The following NHEJ1 variants were observed in gnomAD, a reference collection of about 807,000 sequenced individuals.
NHEJ1 encodes non-homologous end-joining factor 1.
In NHEJ1, 22 loss-of-function variants were observed where a neutral mutation model predicts 39.4. That is an observed-to-expected ratio of 0.56 (90% CI 0.40 to 0.80). The LOEUF (loss-of-function observed/expected upper bound fraction) is 0.80. NHEJ1 is among the 30% of genes least tolerant of loss of function. The pLI, the probability that NHEJ1 is intolerant of heterozygous loss-of-function variation, is 0.00. For synonymous variants in NHEJ1, 154 were observed against 135.6 expected (o/e 1.14, Z -0.94); for missense variants, 329 against 357.1 (o/e 0.92, Z 0.63).
chr2:219,133,052 T>C (rs1949593609), intron 5 of NHEJ1, among the ~76,000 whole-genome samples: 2 of 152,184 alleles, frequency 1.3e-5, no homozygotes, highest in African/African-American at 2.4e-5. Context: ...CCACACTGAA[T>C]GAAAAAAATT....
rs1949644237 is a variant in NHEJ1 at position 219,137,578 on chromosome 2, A to C, written c.588+9102T>G. On this transcript the variant is annotated intron_variant, in intron 5 of 7. Coordinates refer to ENST00000356853, the MANE Select transcript of NHEJ1 (RefSeq NM_024782.3). ...AATAAATGTGTTACAGGCAAAAAAA[A>C]AAAAAAAAAAAAAACAAAAAAAACT... 5.7e-5 allele frequency among the ~76,000 whole-genome samples: 8 copies of C among 140,878 alleles called. No homozygotes were observed. In the South Asian group the frequency reaches 1.9e-3, roughly 33 times the overall value. 92.4% of individuals were successfully genotyped at this position (140,878 alleles called of 152,430 possible).
intron 5 of NHEJ1, among the ~76,000 whole-genome samples, chr2:219,126,990 G>C (rs1046779709): frequency 1.3e-5 from 2 of 152,068 alleles, no homozygotes; most frequent in Non-Finnish European, 2.9e-5. Flanking sequence ...GGGGAGGAGG[G>C]GGTTAGTGTG....
At chr2:219,158,140 T>C (rs768911067) in intron 2 of NHEJ1, 46 bp downstream of exon 2, 4 of 1,607,064 alleles carry the variant, frequency 2.5e-6, no homozygotes, top group East Asian at 2.2e-5. Flanking sequence ...AGCAAGCTGG[T>C]TGATGTTCAC....
chr2:219,113,096 T>A (rs1187366101), intron 5 of NHEJ1, among the ~76,000 whole-genome samples: 1 of 152,218 alleles, frequency 6.6e-6, no homozygotes, highest in East Asian at 1.9e-4. Flanking sequence ...TAAGTCAAAG[T>A]ACTTTACCTC....
intron 5 of NHEJ1, among the ~76,000 whole-genome samples, chr2:219,107,222 A>G (rs1196574796): frequency 6.6e-6 from 1 of 152,228 alleles, no homozygotes; most frequent in African/African-American, 2.4e-5. Context: ...TCAGGGGAAG[A>G]TAACTGAACT....
chr2:219,157,400 TA>T, intron 3 of NHEJ1, 71 bp downstream of exon 3: 1 of 1,357,908 alleles, frequency 7.4e-7, no homozygotes, highest in Middle Eastern at 2.5e-4. Context: ...GCAAAAAAAA[TA>T]AAAGCACCTA....
chr2:219,151,939 G>A (rs1949800325), intron 3 of NHEJ1, among the ~76,000 whole-genome samples: 3 of 152,146 alleles, frequency 2.0e-5, no homozygotes, highest in Non-Finnish European at 4.4e-5. Flanking sequence ...CTGCACTCCA[G>A]CCTGGGTGAC....
In NHEJ1 at chr2:219,140,116, T is replaced by A. The variant is rs553840807; in HGVS notation, c.588+6564A>T. On this transcript the variant is annotated intron_variant, in intron 5 of 7. Transcript: ENST00000356853. The stretch of plus-strand genomic sequence containing the variant: ...TTCCAGGCAGAGGGAACAGCCAATG[T>A]AAAGGCCTAAAGGCAGTGTTAGAGT... 4.6e-5 allele frequency among the ~76,000 whole-genome samples: 7 copies of A among 152,298 alleles called. No homozygotes were observed. The South Asian group carries it at 1.4e-3, about 32-fold the overall frequency.
chr2:219,076,030 TG>T lies in NHEJ1; in HGVS notation c.*350del. The T allele has an allele frequency of 2.2e-6, 1 of 462,742 alleles. No individual in the cohort carries two copies. The highest frequency in any genetic ancestry group is 3.8e-6 in the Non-Finnish European group (1 of 260,342). The allele number at this position is 462,742 out of a possible 1,614,324, so 28.7% of individuals were successfully genotyped here. ...GAGAAGTGGGTCTCTGAGGAGTATC[TG>T]GGGCTGGCTGGCTAGAGACGCTAGG... On this transcript the variant is annotated 3_prime_UTR_variant, in exon 8 of 8. Transcript: ENST00000356853.
At chr2:219,130,046 T>C (rs1178045793) in intron 5 of NHEJ1, among the ~76,000 whole-genome samples, 42 of 42,160 alleles carry the variant, frequency 1.0e-3, no homozygotes, top group Non-Finnish European at 3.8e-3. Flanking sequence ...TGTCCCTTCT[T>C]TTTTTTTTTT....
rs193147903 is a variant in NHEJ1, at chr2:219,157,443, C to T, written c.390+29G>A. ...CCTCTCAAAGCAACTGGCATCCCTCCCCCAACCCCACATTCGAATTACACT... is the reference window on the plus strand; with the variant it reads ...CCTCTCAAAGCAACTGGCATCCCTCTCCCAACCCCACATTCGAATTACACT... On this transcript the variant is annotated intron_variant, in intron 3 of 7. Coordinates refer to ENST00000356853, the MANE Select transcript of NHEJ1 (RefSeq NM_024782.3). 3 of 1,593,516 alleles carry T rather than the reference C, an allele frequency of 1.9e-6. No individual in the cohort carries two copies. In the East Asian group the frequency reaches 6.7e-5, roughly 36 times the overall value.
chr2:219,081,370 C>T (rs944487115), intron 5 of NHEJ1, among the ~76,000 whole-genome samples: 1 of 152,096 alleles, frequency 6.6e-6, no homozygotes, highest in African/African-American at 2.4e-5. Context: ...GTAAATAGTG[C>T]CCCCTGCTAT....
chr2:219,078,410 A>G lies in NHEJ1; in HGVS notation c.589-204T>C, dbSNP rs56285581. Among the ~76,000 whole-genome samples the G allele has an allele frequency of 0.016, 2,458 of 152,332 alleles. 70 individuals are homozygous for G. The highest frequency in any genetic ancestry group is 0.056 in the African/African-American group (2,318 of 41,562). On this transcript the variant is annotated intron_variant, in intron 5 of 7. Coordinates refer to ENST00000356853, the MANE Select transcript of NHEJ1 (RefSeq NM_024782.3). ...TCCTCTGAAGGGCAACTCCAAATGTATATCTTATTTCCCCTAATCCTTAGG... is the reference window on the plus strand; with the variant it reads ...TCCTCTGAAGGGCAACTCCAAATGTGTATCTTATTTCCCCTAATCCTTAGG...
At chr2:219,129,009 A>C (rs1949550880) in intron 5 of NHEJ1, among the ~76,000 whole-genome samples, 1 of 152,234 alleles carries the variant, frequency 6.6e-6, no homozygotes, top group South Asian at 2.1e-4. Context: ...GGTAAAATTA[A>C]GTCTTGGAAT....
At position 219,070,455 on chromosome 2, in the gene NHEJ1, G is replaced by A. The variant is rs1248327826; in HGVS notation, c.*5926C>T. Among the ~76,000 whole-genome samples, 1 of 152,164 alleles carries A rather than the reference G, an allele frequency of 6.6e-6. No individual in the cohort carries two copies. The highest frequency in any genetic ancestry group is 2.4e-5 in the African/African-American group (1 of 41,434). On this transcript the variant is annotated 3_prime_UTR_variant, in exon 8 of 8. Transcript: ENST00000356853. The stretch of plus-strand genomic sequence containing the variant: ...GATCCACCTGCCTCAGCCTCCCAAA[G>A]TGCTGGGATTACAGGCGTGAGCCAC...
At chr2:219,114,180 C>T (rs1157441472) in intron 5 of NHEJ1, among the ~76,000 whole-genome samples, 1 of 152,212 alleles carries the variant, frequency 6.6e-6, no homozygotes, top group East Asian at 1.9e-4. Flanking sequence ...TGTCCAAGGA[C>T]ACTTTGCTTA....
rs1450329834 is a variant in NHEJ1, at chr2:219,075,557, G to C, written c.*824C>G. 1 of 152,090 alleles carries C rather than the reference G, an allele frequency of 6.6e-6. No individual in the cohort carries two copies. The highest frequency in any genetic ancestry group is 1.5e-5 in the Non-Finnish European group (1 of 68,054). The allele number at this position is 152,090 out of a possible 1,614,324, so 9.4% of individuals were successfully genotyped here. On this transcript the variant is annotated 3_prime_UTR_variant, in exon 8 of 8. Transcript: ENST00000356853. ...AGTCCAGGAGTTCAAGACCAGCCTG[G>C]GCAACATGGCAAAGCCTTGTCTCCA...
intron 5 of NHEJ1, among the ~76,000 whole-genome samples, chr2:219,110,244 G>A (rs565648964): frequency 6.6e-6 from 1 of 152,254 alleles, no homozygotes; most frequent in South Asian, 2.1e-4. Context: ...TCTAAGGGGT[G>A]CCCACTGCAC....
chr2:219,160,146 C>T (rs1018334366), intron 1 of NHEJ1, among the ~76,000 whole-genome samples: 3 of 152,172 alleles, frequency 2.0e-5, no homozygotes, highest in African/African-American at 7.2e-5. Context: ...AGTGGAGGGG[C>T]GCTGAGCGGC....
Sources: gnomAD v4.1 joint callset for allele counts (sites outside exome capture counted in the v4.1 genomes callset) on GRCh38, gnomAD v4.1.1 for gene constraint, MANE v1.5 for transcripts, NCBI Gene and HGNC (gene_info 2026-07-23, HGNC 2026-07-21) for gene names.